LONRF1: variants seen among roughly 807,000 people sequenced by gnomAD.
LONRF1 encodes LON peptidase N-terminal domain and RING finger protein 1.
Under a neutral mutation model 85.8 loss-of-function variants are expected in LONRF1, and 37 were observed. The observed-to-expected ratio is 0.43, with a 90% confidence interval of 0.33 to 0.57. LONRF1 has a LOEUF of 0.57. LONRF1 is among the 20% of genes least tolerant of loss of function. The probability of loss-of-function intolerance (pLI) is 0.04; values close to 1 mark genes in which losing one functional copy is unlikely to be tolerated. For missense variants in LONRF1, 1,036 were observed against 978.0 expected (o/e 1.06, Z -0.79); for synonymous variants, 517 against 390.1 (o/e 1.33, Z -3.83).
At chr8:12,730,175 C>T (rs553538637) in intron 8 of LONRF1, among the ~76,000 whole-genome samples, 13 of 152,216 alleles carry the variant, frequency 8.5e-5, no homozygotes, top group East Asian at 3.9e-4. Flanking sequence ...ATCCATAAAA[C>T]GGAATACTAT....
At chr8:12,740,398 T>G (rs1365547431) in intron 3 of LONRF1, among the ~76,000 whole-genome samples, 6 of 152,058 alleles carry the variant, frequency 3.9e-5, no homozygotes, top group African/African-American at 1.4e-4. Context: ...CTCCTATCTT[T>G]AAAAATTAAT....
chr8:12,736,617 T>G, intron 6 of LONRF1, 84 bp downstream of exon 6: 1 of 895,972 alleles, frequency 1.1e-6, no homozygotes, highest in Non-Finnish European at 1.7e-6. Context: ...TTACTTTACA[T>G]TGTCTATTAT....
chr8:12,736,148 C>T (rs566918655), intron 6 of LONRF1, among the ~76,000 whole-genome samples: 1 of 152,094 alleles, frequency 6.6e-6, no homozygotes, highest in African/African-American at 2.4e-5. Context: ...AGCACTAGGC[C>T]TCCTGACCCC....
At chr8:12,728,752 A>G (rs3802268) in intron 10 of LONRF1, 149 bp downstream of exon 10, 444,400 of 791,564 alleles carry the variant, frequency 0.56, 127,034 homozygotes, top group South Asian at 0.58. Flanking sequence ...GCAAGATACG[A>G]AAAAGGTAAC....
chr8:12,730,679 G>A (rs1183925857), intron 8 of LONRF1, among the ~76,000 whole-genome samples: 1 of 152,158 alleles, frequency 6.6e-6, no homozygotes, highest in East Asian at 1.9e-4. Flanking sequence ...GCACTGATCA[G>A]AAAGGTTCAT....
intron 1 of LONRF1, among the ~76,000 whole-genome samples, chr8:12,750,038 T>C (rs1161856364): frequency 6.6e-6 from 1 of 152,234 alleles, no homozygotes; most frequent in Non-Finnish European, 1.5e-5. Flanking sequence ...TAAATCAACT[T>C]TGTGTTTTGA....
chr8:12,735,504 A>G, intron 6 of LONRF1, 104 bp from the exon 7 acceptor site: 2 of 732,444 alleles, frequency 2.7e-6, no homozygotes, highest in Non-Finnish European at 4.7e-6. Context: ...AAGGAGGAAG[A>G]AGGAGGGCCC....
At chr8:12,745,591 G>T (rs1799118786) in intron 1 of LONRF1, among the ~76,000 whole-genome samples, 1 of 152,148 alleles carries the variant, frequency 6.6e-6, no homozygotes, top group Non-Finnish European at 1.5e-5. Flanking sequence ...GTGACCTTGA[G>T]GACACTACAG....
At chr8:12,729,142 A>C in intron 9 of LONRF1, 32 bp downstream of exon 9, 1 of 1,613,134 alleles carries the variant, frequency 6.2e-7, no homozygotes, top group Non-Finnish European at 8.5e-7. Flanking sequence ...GTCTAACATA[A>C]ATACAAATAT....
chr8:12,744,031 TAC>T (rs1799046238), intron 1 of LONRF1, among the ~76,000 whole-genome samples: 1 of 152,186 alleles, frequency 6.6e-6, no homozygotes, highest in African/African-American at 2.4e-5. Context: ...TTACTACAGG[TAC>T]ACAGATTCTA....
intron 6 of LONRF1, among the ~76,000 whole-genome samples, chr8:12,735,969 A>G: frequency 6.6e-6 from 1 of 152,154 alleles, no homozygotes; most frequent in South Asian, 2.1e-4. Flanking sequence ...TTACAGAACA[A>G]CTAGTTTTAC....
chr8:12,735,263 C>A, intron 7 of LONRF1, 23 bp downstream of exon 7: 2 of 1,492,058 alleles, frequency 1.3e-6, no homozygotes, highest in Non-Finnish European at 1.8e-6. Context: ...GACCAACAAA[C>A]AGACACATAT....
At chr8:12,732,991 A>G (rs1260652460) in intron 7 of LONRF1, among the ~76,000 whole-genome samples, 1 of 152,130 alleles carries the variant, frequency 6.6e-6, no homozygotes, top group Admixed American at 6.5e-5. Flanking sequence ...AGAGGTTGGG[A>G]AACTGGTGGT....
chr8:12,723,477 G>A (rs907360539), intron 11 of LONRF1, among the ~76,000 whole-genome samples: 1 of 152,190 alleles, frequency 6.6e-6, no homozygotes, highest in Non-Finnish European at 1.5e-5. Flanking sequence ...GCAGAGCCGA[G>A]ATTCAAATCT....
At chr8:12,751,172 C>G (rs1045304711) in intron 1 of LONRF1, among the ~76,000 whole-genome samples, 2 of 152,032 alleles carry the variant, frequency 1.3e-5, no homozygotes, top group African/African-American at 4.8e-5. Context: ...CCATAGATGC[C>G]TCAGTTTCCC....
intron 11 of LONRF1, 40 bp from the exon 12 acceptor site, chr8:12,723,294 G>T (rs778923727): frequency 8.4e-6 from 13 of 1,554,924 alleles, no homozygotes; most frequent in Non-Finnish European, 1.1e-5. Flanking sequence ...ATAAAACAAG[G>T]ATTTATGTAA....
intron 1 of LONRF1, among the ~76,000 whole-genome samples, chr8:12,747,728 A>G (rs1273755633): frequency 1.3e-5 from 2 of 150,774 alleles, no homozygotes; most frequent in African/African-American, 4.9e-5. Context: ...GTCTTATTTC[A>G]CTAACTCAGG....
At chr8:12,731,175 T>C (rs1798515095) in intron 8 of LONRF1, among the ~76,000 whole-genome samples, 2 of 152,260 alleles carry the variant, frequency 1.3e-5, no homozygotes, top group South Asian at 2.1e-4. Flanking sequence ...CAGAGTGGCC[T>C]GCCTTACCGA....
At chr8:12,725,136 A>C (rs141409824) in intron 11 of LONRF1, among the ~76,000 whole-genome samples, 4 of 152,344 alleles carry the variant, frequency 2.6e-5, no homozygotes, top group African/African-American at 9.6e-5. Context: ...TTTTGCTTGC[A>C]CAGAAAGTGC....
Sources: gnomAD v4.1 joint callset for allele counts (sites outside exome capture counted in the v4.1 genomes callset) on GRCh38, gnomAD v4.1.1 for gene constraint, MANE v1.5 for transcripts, NCBI Gene and HGNC (gene_info 2026-07-23, HGNC 2026-07-21) for gene names.